Variants in EEPD1 observed in about 807,000 individuals in gnomAD.
EEPD1 encodes the protein endonuclease/exonuclease/phosphatase family domain containing 1.
Under a neutral mutation model 46.3 loss-of-function variants are expected in EEPD1, and 17 were observed. That is an observed-to-expected ratio of 0.37 (90% CI 0.25 to 0.55). The LOEUF (loss-of-function observed/expected upper bound fraction) is 0.55. Among genes scored for constraint, EEPD1 ranks in the 20% least tolerant of loss-of-function variants. The pLI is 0.83. For synonymous variants in EEPD1, 313 were observed against 315.6 expected (o/e 0.99, Z 0.09); for missense variants, 673 against 745.6 (o/e 0.90, Z 1.13).
Position 36,175,245 on chromosome 7 carries a change from C to T in EEPD1, c.878+20043C>T, listed in dbSNP as rs117809980. Among the ~76,000 whole-genome samples the T allele has an allele frequency of 8.2e-3, 1,246 of 152,296 alleles. 6 individuals are homozygous for T. Among genetic ancestry groups the T allele is most frequent in the Middle Eastern group, 0.02 (6 of 294 alleles). On this transcript the variant is annotated intron_variant, in intron 2 of 7. Coordinates refer to ENST00000242108, the MANE Select transcript of EEPD1 (RefSeq NM_030636.3). ...CTTTACACTAAACTTGATTTAACAGCCCTCACAGATAAAGTAGGATGTGCT... is the reference window on the plus strand; with the variant it reads ...CTTTACACTAAACTTGATTTAACAGTCCTCACAGATAAAGTAGGATGTGCT...
intron 2 of EEPD1, among the ~76,000 whole-genome samples, chr7:36,224,832 T>C (rs1010762790): frequency 6.6e-6 from 1 of 151,052 alleles, no homozygotes; most frequent in African/African-American, 2.4e-5. Flanking sequence ...TTACCTCACA[T>C]GGAAAAAAAA....
intron 2 of EEPD1, among the ~76,000 whole-genome samples, chr7:36,164,241 T>G (rs982737811): frequency 2.0e-5 from 3 of 152,238 alleles, no homozygotes; most frequent in African/African-American, 7.2e-5. Flanking sequence ...TTTTCAAGTA[T>G]CCATCTTCGT....
At chr7:36,213,929 G>A (rs756885546) in intron 2 of EEPD1, among the ~76,000 whole-genome samples, 1 of 152,178 alleles carries the variant, frequency 6.6e-6, no homozygotes, top group Non-Finnish European at 1.5e-5. Context: ...GTGAATGAAA[G>A]CATGTGGCAG....
chr7:36,287,807 C>T, intron 6 of EEPD1, 30 bp downstream of exon 6: 1 of 1,609,168 alleles, frequency 6.2e-7, no homozygotes, highest in Non-Finnish European at 8.5e-7. Context: ...TGTGACTCGG[C>T]CACTGTTTTG....
At chr7:36,274,749 C>T (rs1461727125) in intron 3 of EEPD1, among the ~76,000 whole-genome samples, 1 of 152,136 alleles carries the variant, frequency 6.6e-6, no homozygotes. Flanking sequence ...AGTTGCAGCC[C>T]CCGTGTGCTC....
At chr7:36,155,897 G>C (rs115235861) in intron 2 of EEPD1, among the ~76,000 whole-genome samples, 1 of 152,272 alleles carries the variant, frequency 6.6e-6, no homozygotes, top group African/African-American at 2.4e-5. Context: ...TTACCACAGA[G>C]CGTTTATGTT....
intron 3 of EEPD1, among the ~76,000 whole-genome samples, chr7:36,271,316 A>G (rs1026855792): frequency 1.3e-4 from 20 of 152,008 alleles, no homozygotes; most frequent in Non-Finnish European, 2.9e-5. Flanking sequence ...CTGGCATGAG[A>G]TGGTATCTCA....
Position 36,250,613 on chromosome 7 carries a change from C to T in EEPD1, c.930+11577C>T, listed in dbSNP as rs150964917. 3.3e-5 allele frequency among the ~76,000 whole-genome samples: 5 copies of T among 152,294 alleles called. No homozygotes were observed. The East Asian group carries it at 7.7e-4, about 24-fold the overall frequency. On this transcript the variant is annotated intron_variant, in intron 3 of 7. Transcript: ENST00000242108. ...AGTTGTTGTGACAGAGACAGTATAG[C>T]CCATAAAGTCCAAAATGTATCTTAT... is the stretch of plus-strand genomic sequence containing the variant.
chr7:36,247,973 C>T (rs747957570), intron 3 of EEPD1, among the ~76,000 whole-genome samples: 7 of 151,978 alleles, frequency 4.6e-5, no homozygotes, highest in East Asian at 1.9e-4. Context: ...GGATAGAGGA[C>T]GCAGAAGGAG....
chr7:36,228,894 G>A (rs566724981), intron 2 of EEPD1: 2 of 152,350 alleles, frequency 1.3e-5, no homozygotes, highest in South Asian at 2.1e-4. Flanking sequence ...TAATAGGTTT[G>A]TCACAGAGAC....
At chr7:36,156,835 A>G (rs1784832991) in intron 2 of EEPD1, among the ~76,000 whole-genome samples, 1 of 152,220 alleles carries the variant, frequency 6.6e-6, no homozygotes, top group Admixed American at 6.5e-5. Context: ...GTGTTAGGCA[A>G]TCAGCTGTCC....
At chr7:36,175,267 T>G (rs1785157003) in intron 2 of EEPD1, among the ~76,000 whole-genome samples, 1 of 152,358 alleles carries the variant, frequency 6.6e-6, no homozygotes, top group Non-Finnish European at 1.5e-5. Flanking sequence ...AAGTAGGATG[T>G]GCTTTGCAGC....
In EEPD1 at chr7:36,225,447, C is replaced by T. The variant is rs1210282691; in HGVS notation, c.879-13538C>T. ...AACCCCGTGCTCACGAGGGACTGTG[C>T]GTGAATATCAAAGGCCTCACTCAAC... On this transcript the variant is annotated intron_variant, in intron 2 of 7. Transcript: ENST00000242108. The surrounding 1 kb of genome is among the most constrained non-coding windows in gnomAD (Gnocchi z 4.2). Among the ~76,000 whole-genome samples the T allele has an allele frequency of 2.6e-5, 4 of 152,058 alleles. No individual in the cohort carries two copies. Among genetic ancestry groups the T allele is most frequent in the African/African-American group, 4.8e-5 (2 of 41,396 alleles).
intron 2 of EEPD1, among the ~76,000 whole-genome samples, chr7:36,173,925 G>A (rs1290420845): frequency 1.3e-5 from 2 of 152,218 alleles, no homozygotes; most frequent in African/African-American, 4.8e-5. Flanking sequence ...TTTGCAGCTA[G>A]GGTCTGGGCC....
rs1382507384 is a variant in EEPD1 at position 36,282,182 on chromosome 7, C to T, written c.1041+957C>T. ...AAGCTGAATTTGAATGCATCTAGTT[C>T]AGGGTTCTCCCTTCCAGTCCACGTG... is the stretch of plus-strand genomic sequence containing the variant. On this transcript the variant is annotated intron_variant, in intron 4 of 7. Coordinates refer to ENST00000242108, the MANE Select transcript of EEPD1 (RefSeq NM_030636.3). 2.6e-5 allele frequency among the ~76,000 whole-genome samples: 4 copies of T among 152,216 alleles called. No homozygotes were observed. In the East Asian group the frequency reaches 7.7e-4, roughly 29 times the overall value.
chr7:36,244,382 A>G (rs1298057347), intron 3 of EEPD1, among the ~76,000 whole-genome samples: 1 of 152,264 alleles, frequency 6.6e-6, no homozygotes, highest in African/African-American at 2.4e-5. Flanking sequence ...AACCTAATAT[A>G]AAAAGCTAAA....
At chr7:36,237,423 CACT>C (rs2115779963) in intron 2 of EEPD1, among the ~76,000 whole-genome samples, 1 of 152,296 alleles carries the variant, frequency 6.6e-6, no homozygotes, top group African/African-American at 2.4e-5. Flanking sequence ...AGGCATGAGC[CACT>C]GCGTTGGCCC....
At chr7:36,273,927 A>G (rs1222984034) in intron 3 of EEPD1, among the ~76,000 whole-genome samples, 1 of 152,166 alleles carries the variant, frequency 6.6e-6, no homozygotes, top group East Asian at 1.9e-4. Flanking sequence ...CCTTTAAGTG[A>G]CCCGGGGAAT....
chr7:36,265,947 T>C (rs1229508825), intron 3 of EEPD1, among the ~76,000 whole-genome samples: 5 of 152,184 alleles, frequency 3.3e-5, no homozygotes, highest in Non-Finnish European at 7.3e-5. Flanking sequence ...AAAGTTGGGG[T>C]TCAGCATTTC....
Sources: allele counts gnomAD v4.1 joint callset (sites outside exome capture counted in the v4.1 genomes callset), GRCh38; gene constraint gnomAD v4.1.1; non-coding constraint Gnocchi (gnomAD v3.1); transcripts MANE v1.5; gene names NCBI Gene and HGNC (gene_info 2026-07-23, HGNC 2026-07-21).